NME7: variants seen among roughly 807,000 people sequenced by gnomAD.
NME7 encodes NME/NM23 family member 7, also known as nucleoside diphosphate kinase 7.
A neutral mutation model predicts 49.1 loss-of-function variants in NME7; 41 were observed. The ratio of observed to expected loss-of-function variants is 0.83; its 90% CI spans 0.65 to 1.08. The LOEUF (loss-of-function observed/expected upper bound fraction) is 1.08, where lower values mean the gene tolerates loss of function less well. Among genes scored for constraint, NME7 ranks in the 50% least tolerant of loss-of-function variants. The probability of loss-of-function intolerance (pLI) is 0.00; values close to 1 mark genes in which losing one functional copy is unlikely to be tolerated. For synonymous variants in NME7, 139 were observed against 150.6 expected, an observed-to-expected ratio of 0.92 and a Z score of 0.56; for missense variants, 423 against 463.4, an observed-to-expected ratio of 0.91 and a Z score of 0.80.
At chr1:169,203,791 A>G (rs1415977380) in intron 10 of NME7, among the ~76,000 whole-genome samples, 1 of 152,120 alleles carries the variant, frequency 6.6e-6, no homozygotes, top group Non-Finnish European at 1.5e-5. Context: ...AATGATGGTT[A>G]GCAAAGGAGT....
chr1:169,134,366 G>A (rs1658357968), intron 11 of NME7, among the ~76,000 whole-genome samples: 1 of 152,192 alleles, frequency 6.6e-6, no homozygotes, highest in African/African-American at 2.4e-5. Context: ...TAGGGACAGT[G>A]CCATCTATCT....
At chr1:169,271,252 C>T (rs886093288) in intron 7 of NME7, among the ~76,000 whole-genome samples, 4 of 133,092 alleles carry the variant, frequency 3.0e-5, no homozygotes, top group Admixed American at 3.0e-4. Context: ...ACTACTTGTG[C>T]CAAGAAGTTT....
Position 169,323,218 on chromosome 1 carries a change from A to C in NME7, c.177T>G (p.Asp59Glu). Reference protein sequence around the residue: ...RTKYDNLHLEDLFIGNKVNVF... With the variant: ...RTKYDNLHLEELFIGNKVNVF... Reference sequence around the variant, plus strand: ...CATTCACTTTGTTGCCTATAAATAAATCTTCCAAGTGCAGGTTATCATATT... The same window carrying C: ...CATTCACTTTGTTGCCTATAAATAACTCTTCCAAGTGCAGGTTATCATATT... The change falls in exon 3 of 12, where the codon GAT (aspartate) becomes GAG (glutamate). Residue 59 changes from aspartate (D) to glutamate (E), a missense_variant. Physicochemically the swap from Asp to Glu is conservative, Grantham distance 45 (BLOSUM62 2). Transcript: ENST00000367811. 6.2e-7 allele frequency: 1 copy of C among 1,609,042 alleles called. No homozygotes were observed. Among genetic ancestry groups the C allele is most frequent in the Non-Finnish European group, 8.5e-7 (1 of 1,177,732 alleles).
At chr1:169,198,680 T>C (rs1182893540) in intron 10 of NME7, among the ~76,000 whole-genome samples, 1 of 151,994 alleles carries the variant, frequency 6.6e-6, no homozygotes, top group African/African-American at 2.4e-5. Context: ...AGATAGAAAG[T>C]AGATTAGTGA....
At chr1:169,239,301 C>A (rs889656763) in intron 7 of NME7, among the ~76,000 whole-genome samples, 44 of 151,854 alleles carry the variant, frequency 2.9e-4, no homozygotes, top group Middle Eastern at 3.4e-3. Context: ...AGCTTCAAAG[C>A]GTGGATGGCA....
At chr1:169,275,558 T>C (rs1477027668) in intron 7 of NME7, among the ~76,000 whole-genome samples, 1 of 130,738 alleles carries the variant, frequency 7.6e-6, no homozygotes, top group East Asian at 2.0e-4. Flanking sequence ...TTTGCTGAAG[T>C]TGCTTATCAG....
intron 3 of NME7, among the ~76,000 whole-genome samples, chr1:169,314,525 T>C (rs1232180142): frequency 1.3e-5 from 2 of 151,894 alleles, no homozygotes; most frequent in Non-Finnish European, 2.9e-5. Flanking sequence ...AGAAGAAAGC[T>C]CAGGATAAGA....
intron 1 of NME7, among the ~76,000 whole-genome samples, chr1:169,334,636 T>C (rs1322071429): frequency 1.3e-5 from 2 of 152,024 alleles, no homozygotes; most frequent in Admixed American, 6.6e-5. Context: ...ACAATACCAT[T>C]CAGGACATAG....
intron 7 of NME7, among the ~76,000 whole-genome samples, chr1:169,277,388 T>C (rs1189443274): frequency 2.1e-5 from 3 of 141,668 alleles, no homozygotes; most frequent in African/African-American, 7.6e-5. Flanking sequence ...GGGTGCAATA[T>C]ATTTAGGATA....
rs575736788 is a variant in NME7, at chr1:169,282,654, G to A, written c.754+4649C>T. Reference sequence around the variant, plus strand: ...TGAGATTCTGGTATGATGTATCTTCGTTCTCATTGGTTTCAAAGAACATCT... The same window carrying A: ...TGAGATTCTGGTATGATGTATCTTCATTCTCATTGGTTTCAAAGAACATCT... On this transcript the variant is annotated intron_variant, in intron 7 of 11. Transcript: ENST00000367811. Among the ~76,000 whole-genome samples, 22 of 152,066 alleles carry A rather than the reference G, an allele frequency of 1.4e-4. No individual in the cohort carries two copies. The South Asian group carries it at 2.9e-3, about 20-fold the overall frequency.
chr1:169,303,068 A>C (rs1449789905), intron 5 of NME7, 77 bp downstream of exon 5: 21 of 956,882 alleles, frequency 2.2e-5, no homozygotes, highest in Non-Finnish European at 3.1e-5. Flanking sequence ...TCAAGTAATA[A>C]ATTTTACAAA....
chr1:169,341,044 CG>C (rs2101961140), intron 1 of NME7, among the ~76,000 whole-genome samples: 1 of 152,268 alleles, frequency 6.6e-6, no homozygotes, highest in East Asian at 1.9e-4. Flanking sequence ...AAATGAGGAA[CG>C]GAATGTTAAT....
intron 10 of NME7, among the ~76,000 whole-genome samples, chr1:169,189,960 A>G (rs1660170884): frequency 1.3e-5 from 2 of 152,200 alleles, no homozygotes; most frequent in East Asian, 3.8e-4. Context: ...TCAGGAGCCA[A>G]CAAAAGTTTT....
intron 4 of NME7, among the ~76,000 whole-genome samples, chr1:169,304,191 T>C (rs1220480605): frequency 6.6e-6 from 1 of 152,206 alleles, no homozygotes; most frequent in South Asian, 2.1e-4. Context: ...AATAAAAGAA[T>C]GCATTTTAAA....
intron 11 of NME7, among the ~76,000 whole-genome samples, chr1:169,138,073 G>A (rs1658482540): frequency 6.6e-6 from 1 of 152,168 alleles, no homozygotes; most frequent in Non-Finnish European, 1.5e-5. Flanking sequence ...CACTTTGGGA[G>A]GCCTAGGCGG....
intron 11 of NME7, among the ~76,000 whole-genome samples, chr1:169,167,746 TA>T (rs998884095): frequency 3.3e-5 from 5 of 152,150 alleles, no homozygotes; most frequent in African/African-American, 9.7e-5. Flanking sequence ...TTCAGTTTCC[TA>T]AAAAAACAGA....
At chr1:169,347,056 T>C (rs1316688699) in intron 1 of NME7, among the ~76,000 whole-genome samples, 1 of 152,108 alleles carries the variant, frequency 6.6e-6, no homozygotes, top group Non-Finnish European at 1.5e-5. Context: ...TGTAATAATA[T>C]GTGTTATAGC....
chr1:169,159,015 A>C (rs1164524367), intron 11 of NME7, among the ~76,000 whole-genome samples: 1 of 152,142 alleles, frequency 6.6e-6, no homozygotes, highest in African/African-American at 2.4e-5. Context: ...CAATGTTCCC[A>C]AGTAACAGAA....
At chr1:169,162,175 G>C (rs573745892) in intron 11 of NME7, among the ~76,000 whole-genome samples, 1 of 152,192 alleles carries the variant, frequency 6.6e-6, no homozygotes, top group African/African-American at 2.4e-5. Flanking sequence ...TTGATCCTTT[G>C]GGGAGACTGA....
Sources: allele counts gnomAD v4.1 joint callset (sites outside exome capture counted in the v4.1 genomes callset), GRCh38; gene constraint gnomAD v4.1.1; transcripts MANE v1.5; gene names NCBI Gene and HGNC (gene_info 2026-07-23, HGNC 2026-07-21).